The following NID2 variants were observed in gnomAD, a reference collection of about 807,000 sequenced individuals.
NID2 encodes nidogen 2, also known as nidogen-2.
In NID2, 83 loss-of-function variants were observed where a neutral mutation model predicts 145.4. The observed-to-expected ratio is 0.57, with a 90% CI of 0.48 to 0.69. The LOEUF is 0.69. Among genes scored for constraint, NID2 ranks in the 30% least tolerant of loss-of-function variants. NID2 has a pLI of 0.00. For missense variants in NID2, 1,807 were observed against 1,765.7 expected, an observed-to-expected ratio of 1.02 and a Z score of -0.42; for synonymous variants, 739 against 701.3, an observed-to-expected ratio of 1.05 and a Z score of -0.85.
Position 52,028,812 on chromosome 14 carries a change from G to A in NID2, c.2440C>T (p.Pro814Ser), listed in dbSNP as rs1370339410. The change falls in exon 11 of 22, where the codon CCC becomes TCC. Residue 814 changes from proline to serine, a missense_variant. Coordinates refer to ENST00000216286, the MANE Select transcript of NID2 (RefSeq NM_007361.4). ...ECATGFHRCG[P>S]NSVCINLPGS... Reference sequence around the variant, plus strand: ...GGCAAGTTGATACATACAGAGTTGGGGCCACAGCGATGAAAGCCAGTTGCA... The same window carrying A: ...GGCAAGTTGATACATACAGAGTTGGAGCCACAGCGATGAAAGCCAGTTGCA... The A allele has an allele frequency of 2.5e-6, 4 of 1,613,756 alleles. No homozygotes were observed. The South Asian group carries it at 4.4e-5, about 18-fold the overall frequency.
At chr14:52,006,224 T>A in intron 20 of NID2, 1 of 393,560 alleles carries the variant, frequency 2.5e-6, no homozygotes, top group African/African-American at 2.0e-5. Flanking sequence ...GTATCAAGGG[T>A]AGTCTTATTC....
At chr14:52,019,730 C>T (rs530107928) in intron 13 of NID2, among the ~76,000 whole-genome samples, 8 of 152,300 alleles carry the variant, frequency 5.3e-5, no homozygotes, top group African/African-American at 9.6e-5. Flanking sequence ...CCCTGGCTAC[C>T]GGCGCATAAG....
At chr14:52,065,969 G>T (rs1264870220) in intron 2 of NID2, among the ~76,000 whole-genome samples, 1 of 149,954 alleles carries the variant, frequency 6.7e-6, no homozygotes, top group Non-Finnish European at 1.5e-5. Flanking sequence ...AAACATACGT[G>T]TGCATGTGTC....
intron 1 of NID2, 143 bp downstream of exon 1, chr14:52,068,624 G>A: frequency 2.9e-6 from 2 of 701,116 alleles, no homozygotes. Flanking sequence ...CAGCGGCATC[G>A]CTCTCTGGCC....
chr14:52,011,389 G>T (rs1891013476), intron 17 of NID2, among the ~76,000 whole-genome samples, 165 bp downstream of exon 17: 1 of 152,152 alleles, frequency 6.6e-6, no homozygotes, highest in Non-Finnish European at 1.5e-5. Flanking sequence ...ATGTATGAAG[G>T]TGTTTGCTTA....
Position 52,042,726 on chromosome 14 carries a change from GA to G in NID2, c.1579+55del. 1.9e-6 allele frequency: 3 copies of G among 1,573,942 alleles called. No individual in the cohort carries two copies. In the South Asian group the frequency reaches 3.4e-5, roughly 18 times the overall value. ...AAAGCAGAGCTCACAGTGGTAGCTGGAAACAGGTAAGCAGCAGGAATAGACA... is the reference window on the plus strand; with the variant it reads ...AAAGCAGAGCTCACAGTGGTAGCTGGAACAGGTAAGCAGCAGGAATAGACA... On this transcript the variant is annotated intron_variant, in intron 6 of 21. Transcript: ENST00000216286.
rs2140361997 is a variant in NID2, at chr14:52,020,183, A to G, written c.2675-5T>C. On this transcript the variant is annotated splice_polypyrimidine_tract_variant and splice_region_variant and intron_variant, in intron 12 of 21. Transcript: ENST00000216286. ...TTTCTGAGCATTCATCTACATCTGC[A>G]GAGGTCAGAAACAGAAGAAAGAAGC... The G allele has an allele frequency of 3.1e-6, 5 of 1,613,450 alleles. No homozygotes were observed. The highest frequency in any genetic ancestry group is 3.3e-4 in the Middle Eastern group (2 of 6,058).
At chr14:52,042,483 C>T in intron 6 of NID2, 133 bp from the exon 7 acceptor site, 4 of 1,153,014 alleles carry the variant, frequency 3.5e-6, no homozygotes, top group Non-Finnish European at 4.9e-6. Flanking sequence ...TCCTAACCAA[C>T]CAATTATCCA....
At chr14:52,042,038 C>A (rs890935261) in intron 7 of NID2, 67 bp downstream of exon 7, 1 of 1,511,202 alleles carries the variant, frequency 6.6e-7, no homozygotes, top group South Asian at 1.3e-5. Context: ...GGCCTAAAGA[C>A]AGTGCCCCAA....
At chr14:52,048,498 C>A (rs2645733) in intron 5 of NID2, among the ~76,000 whole-genome samples, 78,229 of 151,646 alleles carry the variant, frequency 0.52, 20,497 homozygotes, top group South Asian at 0.6. Context: ...TGCAATAAAC[C>A]CACCCGAGGA....
In NID2 at chr14:52,028,776, T is replaced by C. The variant is rs749635535; in HGVS notation, c.2476A>G (p.Arg826Gly). Reference sequence around the variant, plus strand: ...TCATAACCACTCCGGCACTCACACCTGTAGCTTCCAGGCAAGTTGATACAT... The same window carrying C: ...TCATAACCACTCCGGCACTCACACCCGTAGCTTCCAGGCAAGTTGATACAT... ...SVCINLPGSY[R>G]CECRSGYEFA... The change falls in exon 11 of 22, where the codon AGG becomes GGG. Residue 826 changes from arginine (R) to glycine (G), a missense_variant. Physicochemically the swap from Arg to Gly is moderately radical, Grantham distance 125. Coordinates refer to ENST00000216286, the MANE Select transcript of NID2 (RefSeq NM_007361.4). 3.9e-5 allele frequency: 63 copies of C among 1,614,004 alleles called. No individual in the cohort carries two copies. Among genetic ancestry groups the C allele is most frequent in the Admixed American group, 8.3e-5 (5 of 59,986 alleles).
At chr14:52,027,798 A>T (rs1891646470) in intron 11 of NID2, among the ~76,000 whole-genome samples, 1 of 147,458 alleles carries the variant, frequency 6.8e-6, no homozygotes, top group Non-Finnish European at 1.5e-5. Context: ...ATCTCGGCTC[A>T]CTGCAACCTC....
Position 52,006,664 on chromosome 14 carries a change from T to A in NID2, c.3881-4A>T. On this transcript the variant is annotated splice_polypyrimidine_tract_variant and splice_region_variant and intron_variant, in intron 19 of 21. Coordinates refer to ENST00000216286, the MANE Select transcript of NID2 (RefSeq NM_007361.4). ...GTACACTCCAGTTTTTTGGTTCCTT[T>A]TAAAACAAAGGGGGAAAATGAGGTC... is the stretch of plus-strand genomic sequence containing the variant. 2 of 1,613,236 alleles carry A rather than the reference T, an allele frequency of 1.2e-6. No homozygotes were observed. Among genetic ancestry groups the A allele is most frequent in the South Asian group, 2.2e-5 (2 of 91,012 alleles).
chr14:52,030,584 AAGAAAGAAAGAAAGAAAGAAAG>A (rs1372441256), intron 9 of NID2, among the ~76,000 whole-genome samples: 1 of 33,030 alleles, frequency 3.0e-5, no homozygotes, highest in Non-Finnish European at 5.9e-5. Context: ...AAGGGAAAGA[AAGAAAGAAAGAAAGAAAGAAAG>A]AGAAAGAAAA....
Position 52,006,453 on chromosome 14 carries a change from A to G in NID2, c.4004+84T>C, listed in dbSNP as rs1050065246. 2.0e-6 allele frequency: 3 copies of G among 1,527,348 alleles called. No individual in the cohort carries two copies. In the African/African-American group the frequency reaches 4.1e-5, roughly 21 times the overall value. The allele number at this position is 1,527,348 out of a possible 1,614,324, so 94.6% of individuals were successfully genotyped here. On this transcript the variant is annotated intron_variant, in intron 20 of 21. Transcript: ENST00000216286. ...CTCAGAGGGCTTAATGAGTCAAGTC[A>G]GGTACTGACTTTTGGTAAAACAAGT...
At position 52,047,496 on chromosome 14, in the gene NID2, C is replaced by T. The variant is rs181085823; in HGVS notation, c.1430-4565G>A. 1.7e-3 allele frequency among the ~76,000 whole-genome samples: 257 copies of T among 152,212 alleles called. 2 individuals carry two copies. Among genetic ancestry groups the T allele is most frequent in the African/African-American group, 5.9e-3 (246 of 41,528 alleles). ...TCACAGGAAGGATTTGAGCTTTCAT[C>T]TGAGTGAGATGGGAAGCACTAGAGG... is the stretch of plus-strand genomic sequence containing the variant. On this transcript the variant is annotated intron_variant, in intron 5 of 21. Coordinates refer to ENST00000216286, the MANE Select transcript of NID2 (RefSeq NM_007361.4).
intron 16 of NID2, among the ~76,000 whole-genome samples, chr14:52,013,309 G>A (rs1260264686): frequency 1.3e-5 from 2 of 152,156 alleles, no homozygotes; most frequent in African/African-American, 4.8e-5. Context: ...AGCTTAAAGT[G>A]ATGTCAACTT....
chr14:52,065,376 C>T (rs1893153831), intron 2 of NID2, among the ~76,000 whole-genome samples: 1 of 151,272 alleles, frequency 6.6e-6, no homozygotes, highest in Admixed American at 6.6e-5. Context: ...ACTCAAGTCC[C>T]AGAGCTCTTT....
At position 52,060,373 on chromosome 14, in the gene NID2, A is replaced by T; in HGVS notation, c.535-17T>A. On this transcript the variant is annotated splice_polypyrimidine_tract_variant and intron_variant, in intron 2 of 21. Transcript: ENST00000216286. The stretch of plus-strand genomic sequence containing the variant: ...AGTGTTCAGCTGTGAGGAAAAAAAA[A>T]AAAAAAGAGAGAGAGAGAGAGAGAA... The T allele has an allele frequency of 7.9e-7, 1 of 1,263,064 alleles. No individual in the cohort carries two copies. Among genetic ancestry groups the T allele is most frequent in the South Asian group, 1.7e-5 (1 of 57,702 alleles). 78.2% of individuals were successfully genotyped at this position (1,263,064 alleles called of 1,614,324 possible). A position where few individuals can be genotyped will look rare whatever the true frequency, so the allele number is the denominator to read the frequency against.
Sources: allele counts gnomAD v4.1 joint callset (sites outside exome capture counted in the v4.1 genomes callset), GRCh38; gene constraint gnomAD v4.1.1; transcripts MANE v1.5; gene names NCBI Gene and HGNC (gene_info 2026-07-23, HGNC 2026-07-21).